Variants in ARHGAP22 observed in about 807,000 individuals in gnomAD.
ARHGAP22 encodes the protein Rho GTPase activating protein 22, also known as rho GTPase-activating protein 22.
A neutral mutation model predicts 59.1 loss-of-function variants in ARHGAP22; 48 were observed. The ratio of observed to expected loss-of-function variants is 0.81; its 90% CI spans 0.64 to 1.03. ARHGAP22 has a LOEUF of 1.03. ARHGAP22 is among the 50% of genes least tolerant of loss of function. The pLI, the probability that ARHGAP22 is intolerant of heterozygous loss-of-function variation, is 0.00. For synonymous variants in ARHGAP22, 445 were observed against 416.4 expected, an observed-to-expected ratio of 1.07 and a Z score of -0.84; for missense variants, 1,015 against 958.7, an observed-to-expected ratio of 1.06 and a Z score of -0.78.
intron 3 of ARHGAP22, among the ~76,000 whole-genome samples, chr10:48,484,856 C>G (rs545780093): frequency 2.0e-4 from 30 of 152,328 alleles, no homozygotes; most frequent in African/African-American, 7.0e-4. Flanking sequence ...TTCCTTTTCT[C>G]CTTCAATCAG....
chr10:48,451,581 C>T (rs751888606), intron 8 of ARHGAP22: 2 of 702,204 alleles, frequency 2.8e-6, no homozygotes, highest in South Asian at 3.0e-5. Context: ...GCATAGGGCT[C>T]TGGGACAGGG....
At chr10:48,499,505 C>T (rs997663851) in intron 3 of ARHGAP22, among the ~76,000 whole-genome samples, 1 of 152,222 alleles carries the variant, frequency 6.6e-6, no homozygotes, top group Non-Finnish European at 1.5e-5. Flanking sequence ...ACACTGCATT[C>T]AGTGGAGAGA....
intron 3 of ARHGAP22, among the ~76,000 whole-genome samples, chr10:48,505,736 A>T (rs2052046728): frequency 6.6e-6 from 1 of 152,034 alleles, no homozygotes; most frequent in Non-Finnish European, 1.5e-5. Context: ...CCTGGCTGGG[A>T]TGGAGAGAGG....
chr10:48,443,044 G>A (rs1271197012), downstream of ARHGAP22, among the ~76,000 whole-genome samples: 1 of 152,150 alleles, frequency 6.6e-6, no homozygotes, highest in Non-Finnish European at 1.5e-5. Flanking sequence ...TTCTGCTTGA[G>A]AAGCTTTATG....
At chr10:48,520,655 C>G (rs1311606014) in intron 3 of ARHGAP22, among the ~76,000 whole-genome samples, 1 of 152,098 alleles carries the variant, frequency 6.6e-6, no homozygotes, top group Non-Finnish European at 1.5e-5. Flanking sequence ...TTGAGCAACT[C>G]AGGCAGGTTT....
At chr10:48,517,280 A>G (rs1051090605) in intron 3 of ARHGAP22, among the ~76,000 whole-genome samples, 13 of 151,832 alleles carry the variant, frequency 8.6e-5, no homozygotes, top group African/African-American at 3.2e-4. Context: ...ACAGCTGTTT[A>G]AAAGAGTCCA....
intron 1 of ARHGAP22, among the ~76,000 whole-genome samples, chr10:48,585,260 C>T (rs553870976): frequency 6.6e-6 from 1 of 152,154 alleles, no homozygotes; most frequent in Admixed American, 6.5e-5. Flanking sequence ...TTGCTTGATA[C>T]ACTGCTTCCT....
At chr10:48,637,420 T>G (rs1414262955) in intron 1 of ARHGAP22, among the ~76,000 whole-genome samples, 3 of 147,146 alleles carry the variant, frequency 2.0e-5, no homozygotes, top group Admixed American at 6.7e-5. Context: ...GGTGGATGGG[T>G]GGGTGGATGG....
At chr10:48,625,883 G>A (rs1481800457) in intron 1 of ARHGAP22, among the ~76,000 whole-genome samples, 1 of 152,176 alleles carries the variant, frequency 6.6e-6, no homozygotes, top group African/African-American at 2.4e-5. Flanking sequence ...GCAAAGGAGT[G>A]TGTTTATATG....
intron 2 of ARHGAP22, among the ~76,000 whole-genome samples, chr10:48,561,283 T>C (rs925385458): frequency 6.6e-6 from 1 of 152,172 alleles, no homozygotes; most frequent in Non-Finnish European, 1.5e-5. Context: ...CAAATGATGG[T>C]TGAGCAACTG....
At chr10:48,553,069 T>C (rs2057022653) in intron 3 of ARHGAP22, among the ~76,000 whole-genome samples, 1 of 152,200 alleles carries the variant, frequency 6.6e-6, no homozygotes, top group Admixed American at 6.5e-5. Context: ...CCAGGTCCCA[T>C]CTGAGCAGGC....
chr10:48,544,751 G>C (rs984403124), intron 3 of ARHGAP22, among the ~76,000 whole-genome samples: 1 of 152,196 alleles, frequency 6.6e-6, no homozygotes, highest in Non-Finnish European at 1.5e-5. Flanking sequence ...GGAGGACAGT[G>C]AATGCTCGCA....
At chr10:48,437,208 A>G in the ARHGAP22 span, 1 of 152,236 alleles carries the variant, frequency 6.6e-6, no homozygotes, top group Non-Finnish European at 1.5e-5. Context: ...TTAACAAATT[A>G]TATCCTAAAA....
rs188069379 is a variant in ARHGAP22, at chr10:48,581,569, G to A, written c.234+1384C>T. On this transcript the variant is annotated intron_variant, in intron 2 of 9. Transcript: ENST00000249601. Reference sequence around the variant, plus strand: ...TTCTGAATCCACCTTCATGATTTTTGTCATACTCACATTTCATCTGTGCTA... The same window carrying A: ...TTCTGAATCCACCTTCATGATTTTTATCATACTCACATTTCATCTGTGCTA... 7.9e-5 allele frequency among the ~76,000 whole-genome samples: 12 copies of A among 152,270 alleles called. No homozygotes were observed. In the East Asian group the frequency reaches 2.1e-3, roughly 27 times the overall value.
At position 48,456,462 on chromosome 10, in the gene ARHGAP22, C is replaced by T. The variant is rs558822061; in HGVS notation, c.660-1328G>A. 2.0e-5 allele frequency among the ~76,000 whole-genome samples: 3 copies of T among 152,298 alleles called. No homozygotes were observed. The South Asian group carries it at 6.2e-4, about 32-fold the overall frequency. On this transcript the variant is annotated intron_variant, in intron 5 of 9. Coordinates refer to ENST00000249601, the MANE Select transcript of ARHGAP22 (RefSeq NM_021226.4). ...AGGCATGCTGCTATCACACCCTCCT[C>T]GGCCTTCTCCCGGGCCATGTTCCTG...
chr10:48,495,452 T>G (rs1234620905), intron 3 of ARHGAP22, among the ~76,000 whole-genome samples: 1 of 152,188 alleles, frequency 6.6e-6, no homozygotes, highest in Non-Finnish European at 1.5e-5. Context: ...ACTAATAAGA[T>G]GTATCTTCCC....
chr10:48,625,693 T>TACACACACACACAC (rs56897057), intron 1 of ARHGAP22, among the ~76,000 whole-genome samples: 3 of 138,880 alleles, frequency 2.2e-5, no homozygotes, highest in African/African-American at 2.7e-5. Flanking sequence ...CTGCAACGTG[T>TACACACACACACAC]ACACACACAC....
At chr10:48,433,577 T>C in the ARHGAP22 span, among the ~76,000 whole-genome samples, 4,612 of 152,308 alleles carry the variant, frequency 0.03, 82 homozygotes, top group Non-Finnish European at 0.04. Context: ...ATGCTCATCC[T>C]GCTTTTCTCT....
intron 9 of ARHGAP22, among the ~76,000 whole-genome samples, chr10:48,447,695 T>G (rs2045501127): frequency 6.6e-6 from 1 of 152,066 alleles, no homozygotes. Context: ...AAGCCCCAAC[T>G]ACACGCTGAT....
Sources: gnomAD v4.1 joint callset for allele counts (sites outside exome capture counted in the v4.1 genomes callset) on GRCh38, gnomAD v4.1.1 for gene constraint, MANE v1.5 for transcripts, NCBI Gene and HGNC (gene_info 2026-07-23, HGNC 2026-07-21) for gene names.